ESR2: variants seen among roughly 807,000 people sequenced by gnomAD.
ESR2 encodes estrogen receptor 2, also known as estrogen receptor beta.
A neutral mutation model predicts 49.6 loss-of-function variants in ESR2; 36 were observed. The observed-to-expected ratio is 0.73, with a 90% CI of 0.56 to 0.96. The LOEUF (loss-of-function observed/expected upper bound fraction) is 0.96. ESR2 is among the 40% of genes least tolerant of loss of function. The pLI, the probability that ESR2 is intolerant of heterozygous loss-of-function variation, is 0.00. For missense variants in ESR2, 714 were observed against 693.0 expected (o/e 1.03, Z -0.34); for synonymous variants, 320 against 266.1 (o/e 1.20, Z -1.97).
intron 1 of ESR2, among the ~76,000 whole-genome samples, chr14:64,315,148 G>C (rs747163474): frequency 1.3e-5 from 2 of 150,282 alleles, no homozygotes; most frequent in Non-Finnish European, 3.0e-5. Context: ...GGAGGCTGAG[G>C]CAGGAAAATC....
chr14:64,317,556 C>A (rs1187269980), intron 1 of ESR2, among the ~76,000 whole-genome samples: 1 of 152,174 alleles, frequency 6.6e-6, no homozygotes, highest in African/African-American at 2.4e-5. Flanking sequence ...GAGGACAGCA[C>A]CAAGCCATGA....
At chr14:64,256,497 G>A (rs2076098587) in intron 6 of ESR2, among the ~76,000 whole-genome samples, 2 of 152,202 alleles carry the variant, frequency 1.3e-5, no homozygotes, top group African/African-American at 4.8e-5. Context: ...GGGAAGCTGA[G>A]GTGGGCAGAT....
At chr14:64,271,577 C>T (rs983302928) in intron 3 of ESR2, among the ~76,000 whole-genome samples, 1 of 152,168 alleles carries the variant, frequency 6.6e-6, no homozygotes, top group African/African-American at 2.4e-5. Flanking sequence ...CTGCCTGCCT[C>T]GACCTCCCAA....
chr14:64,238,907 G>A (rs1303246856), intron 7 of ESR2, among the ~76,000 whole-genome samples: 1 of 152,162 alleles, frequency 6.6e-6, no homozygotes, highest in Non-Finnish European at 1.5e-5. Context: ...GTGACATTCT[G>A]AGCAGCACAG....
At chr14:64,282,549 T>C in intron 2 of ESR2, 75 bp downstream of exon 2, 1 of 1,436,160 alleles carries the variant, frequency 7.0e-7, no homozygotes, top group Non-Finnish European at 9.4e-7. Context: ...TAACATATTA[T>C]TTCCTTCTCA....
At chr14:64,310,286 A>AAAAAATAATAATAATAATAAT (rs1555595498) in intron 1 of ESR2, among the ~76,000 whole-genome samples, 2 of 142,468 alleles carry the variant, frequency 1.4e-5, no homozygotes, top group African/African-American at 2.6e-5. Flanking sequence ...TCGTCTCAAA[A>AAAAAATAATAATAATAATAAT]AATAATAATA....
intron 1 of ESR2, among the ~76,000 whole-genome samples, chr14:64,331,385 A>G (rs2077455855): frequency 6.6e-6 from 1 of 152,252 alleles, no homozygotes; most frequent in South Asian, 2.1e-4. Flanking sequence ...TAAACAGACA[A>G]ATCCTTAATC....
rs1328040139 is a variant in ESR2, at chr14:64,261,235, TTTTC to T, written c.653-491_653-488del. On this transcript the variant is annotated intron_variant, in intron 4 of 8. Coordinates refer to ENST00000341099, the MANE Select transcript of ESR2 (RefSeq NM_001437.3). Reference sequence around the variant, plus strand: ...TCTTTTTAATGCTTTTATTTTTCTTTTTTCTTTTTTTTTTTTTTTTGAGACGGAG... The same window carrying T: ...TCTTTTTAATGCTTTTATTTTTCTTTTTTTTTTTTTTTTTTTGAGACGGAG... 4.9e-4 allele frequency among the ~76,000 whole-genome samples: 41 copies of T among 84,054 alleles called. 4 individuals are homozygous for T. In the East Asian group the frequency reaches 7.1e-3, roughly 15 times the overall value. 55.1% of individuals were successfully genotyped at this position (84,054 alleles called of 152,430 possible).
chr14:64,324,713 A>T (rs2077368136), intron 1 of ESR2, among the ~76,000 whole-genome samples: 1 of 152,224 alleles, frequency 6.6e-6, no homozygotes, highest in African/African-American at 2.4e-5. Context: ...TAGAAAAAGA[A>T]GGAAATACTT....
Position 64,234,961 on chromosome 14 carries a change from G to A in ESR2, c.1406+9C>T, listed in dbSNP as rs1394508493. 8 of 1,613,508 alleles carry A rather than the reference G, an allele frequency of 5.0e-6. No individual in the cohort carries two copies. The highest frequency in any genetic ancestry group is 1.7e-4 in the Middle Eastern group (1 of 6,024). On this transcript the variant is annotated intron_variant, in intron 8 of 8. Coordinates refer to ENST00000341099, the MANE Select transcript of ESR2 (RefSeq NM_001437.3). Reference sequence around the variant, plus strand: ...AAGCCCAAGCAGAGCAGCTCCTTAGGGCGCGTACCTCGCATGCCTGACGTG... The same window carrying A: ...AAGCCCAAGCAGAGCAGCTCCTTAGAGCGCGTACCTCGCATGCCTGACGTG...
chr14:64,321,976 G>A (rs566113355), intron 1 of ESR2, among the ~76,000 whole-genome samples: 204 of 152,180 alleles, frequency 1.3e-3, no homozygotes, highest in Non-Finnish European at 2.2e-3. Flanking sequence ...ACCTGGTGAC[G>A]TAACCCAAAC....
intron 1 of ESR2, among the ~76,000 whole-genome samples, chr14:64,316,531 A>G (rs1483416275): frequency 6.6e-5 from 10 of 152,120 alleles, no homozygotes; most frequent in Non-Finnish European, 8.8e-5. Context: ...AACTGTGGCC[A>G]GGCACGGTGG....
Position 64,310,306 on chromosome 14 carries a change from A to AT in ESR2, c.-90-27232dup, listed in dbSNP as rs1349315033. On this transcript the variant is annotated intron_variant, in intron 1 of 8. Coordinates refer to the ESR2 transcript ENST00000358599. ...TCAAAAAATAATAATAATAATAATA[A>AT]TAATAATAATAATTCTGGGTGTAGA... is the stretch of plus-strand genomic sequence containing the variant. Among the ~76,000 whole-genome samples the AT allele has an allele frequency of 2.1e-3, 316 of 148,538 alleles. 3 individuals are homozygous for AT. The East Asian group carries it at 0.033, about 16-fold the overall frequency.
chr14:64,243,352 A>C (rs1278976741), intron 7 of ESR2, among the ~76,000 whole-genome samples: 4 of 152,220 alleles, frequency 2.6e-5, no homozygotes, highest in Non-Finnish European at 5.9e-5. Context: ...ATATAATGAA[A>C]AAGTTAGAAA....
At chr14:64,267,885 A>T (rs2076363893) in intron 4 of ESR2, among the ~76,000 whole-genome samples, 2 of 146,964 alleles carry the variant, frequency 1.4e-5, no homozygotes, top group South Asian at 4.3e-4. Flanking sequence ...CTCCATCTCA[A>T]AAAAAAAAAA....
intron 1 of ESR2, among the ~76,000 whole-genome samples, chr14:64,306,210 A>T (rs2077095995): frequency 6.6e-6 from 1 of 152,084 alleles, no homozygotes; most frequent in Admixed American, 6.6e-5. Flanking sequence ...CTCAAAAAAA[A>T]AGAAAAAAAA....
At chr14:64,268,182 A>G (rs537734619) in intron 4 of ESR2, among the ~76,000 whole-genome samples, 1 of 152,228 alleles carries the variant, frequency 6.6e-6, no homozygotes, top group Non-Finnish European at 1.5e-5. Flanking sequence ...TGTACAAAAT[A>G]CATGTGAATA....
intron 4 of ESR2, among the ~76,000 whole-genome samples, chr14:64,264,427 T>C (rs936081695): frequency 6.6e-6 from 1 of 152,102 alleles, no homozygotes; most frequent in Admixed American, 6.5e-5. Context: ...AGGTCAATTA[T>C]ACACCCAGGA....
chr14:64,327,625 G>A (rs1460567615), intron 1 of ESR2, among the ~76,000 whole-genome samples: 1 of 152,194 alleles, frequency 6.6e-6, no homozygotes, highest in Non-Finnish European at 1.5e-5. Flanking sequence ...GAACCCAGGA[G>A]GCGGAGGTTG....
Sources: allele counts gnomAD v4.1 joint callset (sites outside exome capture counted in the v4.1 genomes callset), GRCh38; gene constraint gnomAD v4.1.1; transcripts MANE v1.5; gene names NCBI Gene and HGNC (gene_info 2026-07-23, HGNC 2026-07-21).